Variants in SCEL observed in about 807,000 individuals in gnomAD.
SCEL encodes sciellin.
Under a neutral mutation model 117.6 loss-of-function variants are expected in SCEL, and 113 were observed. That is an observed-to-expected ratio of 0.96 (90% CI 0.83 to 1.12). The LOEUF (loss-of-function observed/expected upper bound fraction) is 1.12, where lower values mean the gene tolerates loss of function less well. Ranked by LOEUF, SCEL falls within the 50% of genes most tolerant of loss-of-function variation. SCEL has a pLI of 0.00. For missense variants in SCEL, 785 were observed against 810.8 expected (o/e 0.97, Z 0.39); for synonymous variants, 270 against 256.2 (o/e 1.05, Z -0.51).
chr13:77,639,755 A>G (rs1016973266), intron 30 of SCEL, among the ~76,000 whole-genome samples: 3 of 152,164 alleles, frequency 2.0e-5, no homozygotes, highest in Non-Finnish European at 2.9e-5. Flanking sequence ...AGTGCACTTC[A>G]TATATCATAT....
At chr13:77,585,297 C>T (rs1246564213) in intron 9 of SCEL, among the ~76,000 whole-genome samples, 1 of 152,108 alleles carries the variant, frequency 6.6e-6, no homozygotes, top group Non-Finnish European at 1.5e-5. Flanking sequence ...TATAGCATGG[C>T]TTTGGGTATC....
At chr13:77,591,351 T>G in intron 10 of SCEL, 44 bp from the exon 11 acceptor site, 1 of 1,200,780 alleles carries the variant, frequency 8.3e-7, no homozygotes, top group Non-Finnish European at 1.2e-6. Flanking sequence ...TCAAAAAGTG[T>G]TTTCTTTTCT....
Position 77,589,128 on chromosome 13 carries a change from G to A in SCEL, c.546-16G>A. 6.3e-7 allele frequency: 1 copy of A among 1,593,438 alleles called. No homozygotes were observed. On this transcript the variant is annotated splice_polypyrimidine_tract_variant and intron_variant, in intron 9 of 32. Coordinates refer to ENST00000349847, the MANE Select transcript of SCEL (RefSeq NM_144777.3). The stretch of plus-strand genomic sequence containing the variant: ...TGTTTCCATGGTGAAATGAACTGCT[G>A]TTTTCTGTTTTAAAGGGAACCAGGT...
At position 77,595,925 on chromosome 13, in the gene SCEL, G is replaced by GTGTCATC. The variant is rs1285220643; in HGVS notation, c.753-1619_753-1613dup. 2.6e-5 allele frequency among the ~76,000 whole-genome samples: 4 copies of GTGTCATC among 152,292 alleles called. No individual in the cohort carries two copies. In the South Asian group the frequency reaches 8.3e-4, roughly 32 times the overall value. On this transcript the variant is annotated intron_variant, in intron 12 of 32. Coordinates refer to ENST00000349847, the MANE Select transcript of SCEL (RefSeq NM_144777.3). ...ACCCTCAGCAGCTATTCTTGCTATA[G>GTGTCATC]TGTCATCGTGCCAGGCATCTTCAAG... is the stretch of plus-strand genomic sequence containing the variant.
chr13:77,608,970 T>C (rs977309422), intron 20 of SCEL, 88 bp from the exon 21 acceptor site: 2 of 1,064,050 alleles, frequency 1.9e-6, no homozygotes, highest in Non-Finnish European at 2.7e-6. Flanking sequence ...GTAAAATTTA[T>C]CTTGAGTACA....
chr13:77,618,862 C>T (rs1279703543), intron 27 of SCEL, among the ~76,000 whole-genome samples: 1 of 152,132 alleles, frequency 6.6e-6, no homozygotes, highest in African/African-American at 2.4e-5. Flanking sequence ...AAAGAATATT[C>T]ATGATCTTCA....
At chr13:77,560,894 G>C (rs577318031) in intron 4 of SCEL, among the ~76,000 whole-genome samples, 1 of 150,536 alleles carries the variant, frequency 6.6e-6, no homozygotes. Context: ...GCAGACACTT[G>C]GGACACGTCT....
chr13:77,573,023 A>G (rs1359283814), intron 9 of SCEL, among the ~76,000 whole-genome samples: 2 of 152,206 alleles, frequency 1.3e-5, no homozygotes, highest in African/African-American at 4.8e-5. Context: ...ATAAACGTTA[A>G]GCGACAAATG....
Position 77,624,593 on chromosome 13 carries a change from A to G in SCEL, c.1629-3354A>G, listed in dbSNP as rs149655127. Among the ~76,000 whole-genome samples, 582 of 152,296 alleles carry G rather than the reference A, an allele frequency of 3.8e-3. 2 individuals carry two copies. Among genetic ancestry groups the G allele is most frequent in the Middle Eastern group, 0.01 (3 of 294 alleles). On this transcript the variant is annotated intron_variant, in intron 27 of 32. Coordinates refer to ENST00000349847, the MANE Select transcript of SCEL (RefSeq NM_144777.3). ...ATGAATTTGGGGGAGTACATAGTTC[A>G]ACCCAGAACAAGCTCCAAAGGTAAT...
At chr13:77,567,285 C>A (rs1482217913) in intron 5 of SCEL, among the ~76,000 whole-genome samples, 6 of 152,058 alleles carry the variant, frequency 3.9e-5, no homozygotes, top group Non-Finnish European at 7.4e-5. Context: ...GAAACCTCTT[C>A]TCTACTAAAA....
intron 16 of SCEL, 63 bp downstream of exon 16, chr13:77,602,187 G>A: frequency 7.5e-7 from 1 of 1,339,110 alleles, no homozygotes; most frequent in Non-Finnish European, 1.0e-6. Context: ...TACCTCATTA[G>A]GAATGGGAGT....
chr13:77,536,649 G>GCTGACTTGT (rs1289301639), intron 1 of SCEL, among the ~76,000 whole-genome samples: 1 of 152,210 alleles, frequency 6.6e-6, no homozygotes, highest in East Asian at 1.9e-4. Flanking sequence ...TAATAGCTAA[G>GCTGACTTGT]CTGACTTGTG....
chr13:77,568,151 T>G, intron 6 of SCEL, 144 bp from the exon 7 acceptor site: 1 of 615,244 alleles, frequency 1.6e-6, no homozygotes, highest in Non-Finnish European at 2.8e-6. Flanking sequence ...AATCATCTTA[T>G]GAAATTTATT....
chr13:77,624,666 T>A (rs1274013532), intron 27 of SCEL, among the ~76,000 whole-genome samples: 2 of 152,086 alleles, frequency 1.3e-5, no homozygotes, highest in African/African-American at 4.8e-5. Context: ...AGAAATATAA[T>A]ATATGCATTC....
At chr13:77,580,233 A>G (rs540323665) in intron 9 of SCEL, among the ~76,000 whole-genome samples, 1 of 152,348 alleles carries the variant, frequency 6.6e-6, no homozygotes, top group Non-Finnish European at 1.5e-5. Context: ...GAAAATTACT[A>G]GAAGGTCAGA....
At chr13:77,551,801 A>G (rs2084343512) in intron 1 of SCEL, among the ~76,000 whole-genome samples, 2 of 150,636 alleles carry the variant, frequency 1.3e-5, no homozygotes, top group South Asian at 2.1e-4. Context: ...CCATTAACTC[A>G]TCATTTAGCT....
chr13:77,594,583 A>G (rs1333690015), intron 12 of SCEL, among the ~76,000 whole-genome samples: 2 of 152,156 alleles, frequency 1.3e-5, no homozygotes. Flanking sequence ...ATTTTATAAG[A>G]GCGAATCATA....
chr13:77,566,944 C>A (rs987872129), intron 5 of SCEL, among the ~76,000 whole-genome samples: 3 of 152,028 alleles, frequency 2.0e-5, no homozygotes, highest in African/African-American at 7.2e-5. Flanking sequence ...AATGTGGTCT[C>A]CCTGATTGCT....
At chr13:77,644,199 T>G in intron 32 of SCEL, 59 bp from the exon 33 acceptor site, 2 of 1,594,550 alleles carry the variant, frequency 1.3e-6, no homozygotes, top group Non-Finnish European at 1.7e-6. Context: ...GTCTGTAAAT[T>G]TTAATGATGA....
Sources: allele counts gnomAD v4.1 joint callset (sites outside exome capture counted in the v4.1 genomes callset), GRCh38; gene constraint gnomAD v4.1.1; transcripts MANE v1.5; gene names NCBI Gene and HGNC (gene_info 2026-07-23, HGNC 2026-07-21).